SSH2: variants seen among roughly 807,000 people sequenced by gnomAD.
SSH2 encodes protein phosphatase Slingshot homolog 2.
SSH2 carries 37 observed loss-of-function variants against 135.2 expected under a neutral mutation model. The ratio of observed to expected loss-of-function variants is 0.27; its 90% CI spans 0.21 to 0.36. The LOEUF (loss-of-function observed/expected upper bound fraction) is 0.36, where lower values mean the gene tolerates loss of function less well. Among genes scored for constraint, SSH2 ranks in the 10% least tolerant of loss-of-function variants. SSH2 has a pLI of 1.00. For missense variants in SSH2, 1,408 were observed against 1,765.3 expected, an observed-to-expected ratio of 0.80 and a Z score of 3.63; for synonymous variants, 628 against 646.2, an observed-to-expected ratio of 0.97 and a Z score of 0.43.
chr17:29,876,197 G>GAA (rs78321127), intron 1 of SSH2, among the ~76,000 whole-genome samples: 3 of 112,656 alleles, frequency 2.7e-5, no homozygotes, highest in African/African-American at 4.0e-5. Context: ...AAGGTAAAAA[G>GAA]AAAAAAAAAA....
intron 1 of SSH2, among the ~76,000 whole-genome samples, chr17:29,887,589 A>G (rs1336292201): frequency 6.6e-6 from 1 of 152,196 alleles, no homozygotes; most frequent in Non-Finnish European, 1.5e-5. Flanking sequence ...GTAATAGTAC[A>G]CATCTTCAGA....
chr17:29,656,466 G>A (rs1444167601), intron 11 of SSH2, among the ~76,000 whole-genome samples: 1 of 152,010 alleles, frequency 6.6e-6, no homozygotes, highest in Admixed American at 6.6e-5. Context: ...GTGAGACACC[G>A]CGCAGGGCCG....
intron 6 of SSH2, 80 bp downstream of exon 6, chr17:29,684,483 T>TAA (rs11307211): frequency 1.5e-3 from 1,460 of 954,944 alleles, no homozygotes; most frequent in Non-Finnish European, 1.8e-3. Context: ...CCGTCCCCAT[T>TAA]AAAAAAAAAA....
chr17:29,710,117 A>AG (rs1422241972), intron 3 of SSH2, among the ~76,000 whole-genome samples: 1 of 152,226 alleles, frequency 6.6e-6, no homozygotes, highest in Non-Finnish European at 1.5e-5. Context: ...CATGACCAGC[A>AG]GGAAGGTCAA....
chr17:29,881,514 T>C (rs2066137397), intron 1 of SSH2, among the ~76,000 whole-genome samples: 2 of 152,092 alleles, frequency 1.3e-5, no homozygotes, highest in Admixed American at 1.3e-4. Flanking sequence ...TTCTTTCTTT[T>C]TTTCCGAGAC....
chr17:29,722,903 T>C (rs1007839433), intron 3 of SSH2, among the ~76,000 whole-genome samples: 3 of 152,164 alleles, frequency 2.0e-5, no homozygotes, highest in African/African-American at 7.2e-5. Flanking sequence ...AAGTGAACCG[T>C]GAAGAAACCA....
At chr17:29,773,311 G>T (rs1266755820) in intron 3 of SSH2, among the ~76,000 whole-genome samples, 1 of 152,000 alleles carries the variant, frequency 6.6e-6, no homozygotes, top group African/African-American at 2.4e-5. Flanking sequence ...AAGACAAGGG[G>T]TCCTATTCCT....
intron 8 of SSH2, among the ~76,000 whole-genome samples, chr17:29,672,782 C>T (rs987025578): frequency 3.3e-5 from 5 of 152,324 alleles, no homozygotes; most frequent in African/African-American, 1.2e-4. Context: ...CTGCTCACTG[C>T]AACCTCCACC....
At chr17:29,855,916 G>T in intron 1 of SSH2, 1 of 255,044 alleles carries the variant, frequency 3.9e-6, no homozygotes, top group Admixed American at 5.4e-5. Context: ...AAGAAGAGGC[G>T]CTAGGTTGAC....
At chr17:29,812,385 G>A (rs779226034) in intron 2 of SSH2, among the ~76,000 whole-genome samples, 6 of 151,954 alleles carry the variant, frequency 3.9e-5, no homozygotes, top group Admixed American at 1.3e-4. Flanking sequence ...CCAGACTCAC[G>A]TGATTCTCTC....
intron 2 of SSH2, among the ~76,000 whole-genome samples, chr17:29,796,432 G>A (rs558513373): frequency 3.3e-5 from 5 of 152,166 alleles, no homozygotes; most frequent in African/African-American, 7.2e-5. Context: ...CCTCCACCTC[G>A]TGGGTTCAAG....
chr17:29,637,888 C>T (rs1297820382), intron 14 of SSH2, among the ~76,000 whole-genome samples: 4 of 152,068 alleles, frequency 2.6e-5, no homozygotes, highest in East Asian at 1.9e-4. Context: ...CTAAGGCGGG[C>T]GGATCGCTTG....
At chr17:29,761,838 TACA>T (rs2041317670) in intron 3 of SSH2, among the ~76,000 whole-genome samples, 2 of 126,002 alleles carry the variant, frequency 1.6e-5, no homozygotes, top group African/African-American at 6.3e-5. Context: ...TACACTCACA[TACA>T]TATGTGTGTG....
intron 2 of SSH2, among the ~76,000 whole-genome samples, chr17:29,810,455 C>G (rs2042421746): frequency 6.6e-6 from 1 of 152,072 alleles, no homozygotes; most frequent in Non-Finnish European, 1.5e-5. Flanking sequence ...TATTTTTTAA[C>G]TTGCATATTT....
intron 3 of SSH2, among the ~76,000 whole-genome samples, chr17:29,746,999 C>G (rs1460507846): frequency 1.3e-5 from 2 of 152,172 alleles, no homozygotes; most frequent in Non-Finnish European, 2.9e-5. Context: ...AATTAGAACG[C>G]TCAGGACTTG....
At chr17:29,748,848 G>A (rs557656672) in intron 3 of SSH2, among the ~76,000 whole-genome samples, 35 of 152,226 alleles carry the variant, frequency 2.3e-4, no homozygotes, top group African/African-American at 3.9e-4. Context: ...TAAGCTGGAC[G>A]AAGACAGCAA....
intron 3 of SSH2, among the ~76,000 whole-genome samples, chr17:29,725,381 C>T (rs1567919228): frequency 7.1e-6 from 1 of 141,592 alleles, no homozygotes; most frequent in African/African-American, 2.6e-5. Context: ...CCAGGGAATC[C>T]CATTACTGGG....
intron 8 of SSH2, among the ~76,000 whole-genome samples, chr17:29,673,725 T>A (rs2037590784): frequency 6.6e-6 from 1 of 152,148 alleles, no homozygotes; most frequent in Admixed American, 6.5e-5. Flanking sequence ...ATCTTTCCAG[T>A]CTTTTTGGCT....
rs2042340114 is a variant in SSH2 at position 29,806,095 on chromosome 17, C to A, written c.145-12158G>T. On this transcript the variant is annotated intron_variant, in intron 2 of 15. Transcript: ENST00000540801. ...TTAGTCATATACTTGGTTTGCCAAT[C>A]CAAGATGAGTGCTTAAATATGGGGC... 2.0e-5 allele frequency among the ~76,000 whole-genome samples: 3 copies of A among 152,146 alleles called. No homozygotes were observed. In the South Asian group the frequency reaches 6.2e-4, roughly 32 times the overall value.
Sources: allele counts gnomAD v4.1 joint callset (sites outside exome capture counted in the v4.1 genomes callset), GRCh38; gene constraint gnomAD v4.1.1; transcripts MANE v1.5; gene names NCBI Gene and HGNC (gene_info 2026-07-23, HGNC 2026-07-21).